Variants in WHRN observed in about 807,000 individuals in gnomAD.
The protein encoded by WHRN is CASK-interacting protein CIP98.
Under a neutral mutation model 68.3 loss-of-function variants are expected in WHRN, and 41 were observed. The ratio of observed to expected loss-of-function variants is 0.60; its 90% CI spans 0.47 to 0.78. WHRN has a LOEUF of 0.78. Among genes scored for constraint, WHRN ranks in the 30% least tolerant of loss-of-function variants. The probability of loss-of-function intolerance (pLI) is 0.00; values close to 1 mark genes in which losing one functional copy is unlikely to be tolerated. For synonymous variants in WHRN, 560 were observed against 561.3 expected, an observed-to-expected ratio of 1.00 and a Z score of 0.03; for missense variants, 1,243 against 1,244.7, an observed-to-expected ratio of 1.00 and a Z score of 0.02.
rs2132209625 is a variant in WHRN at position 114,406,452 on chromosome 9, G to A, written c.2139C>T (p.Asp713=). ...LLPPSPSGHP[D]QTGTNQHFVM... is the part of the protein sequence containing the mutation. ...CAAAGTGCTGGTTTGTGCCTGTCTG[G>A]TCTGGGTGGCCAGAGGGTGATGGGG... is the stretch of plus-strand genomic sequence containing the variant. The change falls in exon 9 of 12, where the codon GAC becomes GAT. Residue 713 remains aspartate (D), a synonymous_variant. Coordinates refer to ENST00000362057, the MANE Select transcript of WHRN (RefSeq NM_015404.4). 6.2e-7 allele frequency: 1 copy of A among 1,614,168 alleles called. No homozygotes were observed. The highest frequency in any genetic ancestry group is 1.3e-5 in the African/African-American group (1 of 75,060).
At chr9:114,422,261 C>T (rs1165594157) in intron 7 of WHRN, among the ~76,000 whole-genome samples, 1 of 152,218 alleles carries the variant, frequency 6.6e-6, no homozygotes, top group Non-Finnish European at 1.5e-5. Context: ...CTCCCCACTG[C>T]CTTTCCATAG....
At chr9:114,461,097 C>G (rs1007365518) in intron 3 of WHRN, among the ~76,000 whole-genome samples, 1 of 152,166 alleles carries the variant, frequency 6.6e-6, no homozygotes, top group Non-Finnish European at 1.5e-5. Flanking sequence ...ATTTTATGAG[C>G]AAATAAAGCC....
rs769277233 is a variant in WHRN, at chr9:114,466,407, G to C, written c.838-15C>G. Reference sequence around the variant, plus strand: ...ACCAGGTTCACCTGTCAGAGGGAGAGGATAACATTAGAGGGACTGGAGGAG... The same window carrying C: ...ACCAGGTTCACCTGTCAGAGGGAGACGATAACATTAGAGGGACTGGAGGAG... On this transcript the variant is annotated splice_polypyrimidine_tract_variant and intron_variant, in intron 2 of 11. Transcript: ENST00000362057. 5 of 1,613,704 alleles carry C rather than the reference G, an allele frequency of 3.1e-6. No homozygotes were observed. In the African/African-American group the frequency reaches 5.3e-5, roughly 17 times the overall value.
intron 3 of WHRN, among the ~76,000 whole-genome samples, chr9:114,437,387 A>C (rs1271620706): frequency 6.6e-6 from 1 of 152,236 alleles, no homozygotes; most frequent in Non-Finnish European, 1.5e-5. Flanking sequence ...AAGGATTAAT[A>C]ATTAAATTAG....
At chr9:114,427,466 T>A (rs988866013) in intron 3 of WHRN, among the ~76,000 whole-genome samples, 6 of 152,216 alleles carry the variant, frequency 3.9e-5, no homozygotes, top group Non-Finnish European at 8.8e-5. Context: ...CCCAGGGTCA[T>A]GTGCCACTGA....
intron 1 of WHRN, among the ~76,000 whole-genome samples, chr9:114,484,072 G>T (rs1053574658): frequency 6.6e-6 from 1 of 152,186 alleles, no homozygotes; most frequent in Non-Finnish European, 1.5e-5. Flanking sequence ...AGAGCCTGGG[G>T]GCTCTGAGGT....
At chr9:114,405,260 T>C (rs568718548) in intron 9 of WHRN, among the ~76,000 whole-genome samples, 1 of 152,002 alleles carries the variant, frequency 6.6e-6, no homozygotes, top group East Asian at 1.9e-4. Flanking sequence ...TTAGTAGAAA[T>C]GGGGCTTTCA....
chr9:114,410,851 G>A (rs1177020947), intron 7 of WHRN, among the ~76,000 whole-genome samples: 1 of 152,238 alleles, frequency 6.6e-6, no homozygotes, highest in Non-Finnish European at 1.5e-5. Context: ...TCAAAAGGGC[G>A]AGGGTGATTG....
intron 3 of WHRN, among the ~76,000 whole-genome samples, chr9:114,442,143 G>C (rs1237218072): frequency 2.0e-5 from 3 of 152,184 alleles, no homozygotes; most frequent in African/African-American, 7.2e-5. Flanking sequence ...AAAGGCTGAG[G>C]AACTGTTCCA....
chr9:114,426,857 A>G (rs1041116381), intron 3 of WHRN, among the ~76,000 whole-genome samples: 2 of 152,252 alleles, frequency 1.3e-5, no homozygotes, highest in African/African-American at 4.8e-5. Context: ...CTTAAAATGT[A>G]AACAAAACTT....
intron 3 of WHRN, among the ~76,000 whole-genome samples, chr9:114,441,774 G>T (rs1339192270): frequency 6.6e-6 from 1 of 152,216 alleles, no homozygotes; most frequent in African/African-American, 2.4e-5. Flanking sequence ...AAAATAGCAA[G>T]TGAGTTTTTT....
intron 7 of WHRN, among the ~76,000 whole-genome samples, chr9:114,411,314 G>C (rs2132247446): frequency 6.6e-6 from 1 of 152,260 alleles, no homozygotes; most frequent in Middle Eastern, 3.4e-3. Context: ...ACTTCCTCAG[G>C]CTCAACATTC....
chr9:114,421,501 T>C (rs970569014), intron 7 of WHRN, among the ~76,000 whole-genome samples: 1 of 152,194 alleles, frequency 6.6e-6, no homozygotes, highest in Non-Finnish European at 1.5e-5. Context: ...GGCTCAAACC[T>C]AGACCTCCTG....
At chr9:114,429,306 T>C (rs184998590) in intron 3 of WHRN, among the ~76,000 whole-genome samples, 11 of 152,298 alleles carry the variant, frequency 7.2e-5, no homozygotes, top group Admixed American at 3.9e-4. Context: ...TGACCCCTCA[T>C]AATCTAGGAG....
chr9:114,457,591 T>C (rs543750536), intron 3 of WHRN, among the ~76,000 whole-genome samples: 1 of 152,182 alleles, frequency 6.6e-6, no homozygotes, highest in African/African-American at 2.4e-5. Context: ...ATCATTTCTG[T>C]GGGCAAGAAT....
intron 7 of WHRN, among the ~76,000 whole-genome samples, chr9:114,409,080 C>T (rs1203845716): frequency 6.6e-6 from 1 of 152,242 alleles, no homozygotes; most frequent in African/African-American, 2.4e-5. Context: ...CAACCTCCAT[C>T]ATTGCGTGGG....
chr9:114,448,362 G>A lies in WHRN; in HGVS notation c.963+17905C>T, dbSNP rs185230159. Among the ~76,000 whole-genome samples, 340 of 152,230 alleles carry A rather than the reference G, an allele frequency of 2.2e-3. 2 individuals carry two copies. The highest frequency in any genetic ancestry group is 7.7e-3 in the African/African-American group (320 of 41,512). The stretch of plus-strand genomic sequence containing the variant: ...GAAGAGCGGTTGGAGGGATGAGTGT[G>A]ATCCTGCTGTCACCTTGATTTTGGA... On this transcript the variant is annotated intron_variant, in intron 3 of 11. Coordinates refer to ENST00000362057, the MANE Select transcript of WHRN (RefSeq NM_015404.4).
chr9:114,407,816 G>A (rs1835146155), intron 8 of WHRN, 131 bp downstream of exon 8: 2 of 752,044 alleles, frequency 2.7e-6, no homozygotes, highest in Non-Finnish European at 4.7e-6. Context: ...GGGTGTGAGA[G>A]CTCATGGCAG....
At chr9:114,435,796 T>A (rs902628504) in intron 3 of WHRN, among the ~76,000 whole-genome samples, 1 of 152,178 alleles carries the variant, frequency 6.6e-6, no homozygotes, top group Non-Finnish European at 1.5e-5. Flanking sequence ...GGAAACCTCA[T>A]TTATAGTAGC....
Sources: gnomAD v4.1 joint callset for allele counts (sites outside exome capture counted in the v4.1 genomes callset) on GRCh38, gnomAD v4.1.1 for gene constraint, MANE v1.5 for transcripts, NCBI Gene and HGNC (gene_info 2026-07-23, HGNC 2026-07-21) for gene names.